The following TAF4B variants were observed in gnomAD, a reference collection of about 807,000 sequenced individuals.
TAF4B encodes the protein TATA-box binding protein associated factor 4b, also known as transcription initiation factor TFIID subunit 4B.
A neutral mutation model predicts 86.4 loss-of-function variants in TAF4B; 38 were observed. That is an observed-to-expected ratio of 0.44 (90% CI 0.34 to 0.58). TAF4B has a LOEUF of 0.58. Among genes scored for constraint, TAF4B ranks in the 20% least tolerant of loss-of-function variants. The probability of loss-of-function intolerance (pLI) is 0.02; values close to 1 mark genes in which losing one functional copy is unlikely to be tolerated. For missense variants in TAF4B, 988 were observed against 1,027.6 expected, an observed-to-expected ratio of 0.96 and a Z score of 0.53; for synonymous variants, 388 against 391.2, an observed-to-expected ratio of 0.99 and a Z score of 0.10.
intron 13 of TAF4B, among the ~76,000 whole-genome samples, chr18:26,353,026 C>T (rs1292246907): frequency 1.3e-5 from 2 of 152,134 alleles, no homozygotes; most frequent in South Asian, 4.1e-4. Context: ...TTCTACACAG[C>T]CTCTTCCAGA....
intron 1 of TAF4B, among the ~76,000 whole-genome samples, chr18:26,237,909 C>T (rs899431860): frequency 6.6e-6 from 1 of 152,056 alleles, no homozygotes; most frequent in Non-Finnish European, 1.5e-5. Flanking sequence ...CCTGTTGATG[C>T]CTGAGCGTTT....
At chr18:26,314,645 C>G (rs953562565) in intron 9 of TAF4B, among the ~76,000 whole-genome samples, 2 of 152,136 alleles carry the variant, frequency 1.3e-5, no homozygotes, top group African/African-American at 4.8e-5. Flanking sequence ...TTTAGAATGG[C>G]TAGTCTAGTA....
chr18:26,285,414 C>T (rs1469831721), intron 6 of TAF4B, among the ~76,000 whole-genome samples: 1 of 151,680 alleles, frequency 6.6e-6, no homozygotes, highest in Non-Finnish European at 1.5e-5. Flanking sequence ...TCTCAAACTC[C>T]TGGCCTCAAG....
intron 11 of TAF4B, 62 bp downstream of exon 11, chr18:26,321,262 G>A: frequency 6.4e-7 from 1 of 1,565,974 alleles, no homozygotes; most frequent in Non-Finnish European, 8.7e-7. Context: ...TTTGGGCGTG[G>A]ATTGATATTC....
At chr18:26,273,899 G>T (rs1363696305) in intron 3 of TAF4B, among the ~76,000 whole-genome samples, 1 of 152,202 alleles carries the variant, frequency 6.6e-6, no homozygotes, top group Admixed American at 6.5e-5. Context: ...GCATTGTTCA[G>T]TTTTCTGTGT....
intron 2 of TAF4B, 31 bp from the exon 3 acceptor site, chr18:26,267,483 CTT>C: frequency 1.4e-6 from 2 of 1,431,038 alleles, no homozygotes; most frequent in Non-Finnish European, 2.0e-6. Context: ...ACGCTAATGA[CTT>C]TGTGTTATCT....
chr18:26,315,500 C>CT, intron 10 of TAF4B, 102 bp downstream of exon 10: 1 of 742,526 alleles, frequency 1.3e-6, no homozygotes, highest in South Asian at 3.6e-5. Context: ...AACTCTGAGG[C>CT]TTAAATAAGA....
At position 26,324,799 on chromosome 18, in the gene TAF4B, C is replaced by G. The variant is rs184943714; in HGVS notation, c.2134-2216C>G. Among the ~76,000 whole-genome samples, 261 of 152,268 alleles carry G rather than the reference C, an allele frequency of 1.7e-3. 1 individual carries two copies. The highest frequency in any genetic ancestry group is 5.8e-4 in the East Asian group (3 of 5,190). On this transcript the variant is annotated intron_variant, in intron 11 of 14. Coordinates refer to ENST00000269142, the MANE Select transcript of TAF4B (RefSeq NM_005640.3). Reference sequence around the variant, plus strand: ...ATAAAATAACAAAAGATTATCAGCCCTTTTAAGTCAAAATAATTATCATTT... The same window carrying G: ...ATAAAATAACAAAAGATTATCAGCCGTTTTAAGTCAAAATAATTATCATTT...
Position 26,226,489 on chromosome 18 carries a change from G to T in TAF4B, c.-445G>T, listed in dbSNP as rs1393491332. 1.3e-5 allele frequency: 2 copies of T among 153,442 alleles called. No individual in the cohort carries two copies. Among genetic ancestry groups the T allele is most frequent in the Admixed American group, 6.5e-5 (1 of 15,290 alleles). The allele number at this position is 153,442 out of a possible 1,614,324, so 9.5% of individuals were successfully genotyped here. On this transcript the variant is annotated 5_prime_UTR_variant, in exon 1 of 15. Transcript: ENST00000269142. ...TGGCGTGGCCGCGCGGCGGGGCCGT[G>T]CCAATCGCGCGTAGGGGGCTGTGGG...
intron 9 of TAF4B, chr18:26,304,906 T>G: frequency 1.0e-6 from 1 of 984,588 alleles, no homozygotes; most frequent in Non-Finnish European, 1.2e-6. Flanking sequence ...CTTATTACTT[T>G]CGCCCATTTA....
chr18:26,355,961 C>T (rs1258652935), intron 13 of TAF4B, among the ~76,000 whole-genome samples: 1 of 152,144 alleles, frequency 6.6e-6, no homozygotes, highest in Non-Finnish European at 1.5e-5. Context: ...GGATTTCTGT[C>T]CTATAATTTG....
At position 26,390,128 on chromosome 18, in the gene TAF4B, T is replaced by C. The variant is rs1978619119; in HGVS notation, c.*116T>C. 2.7e-6 allele frequency: 3 copies of C among 1,100,558 alleles called. No homozygotes were observed. Among genetic ancestry groups the C allele is most frequent in the Non-Finnish European group, 2.6e-6 (2 of 775,480 alleles). 68.2% of individuals were successfully genotyped at this position (1,100,558 alleles called of 1,614,324 possible). A position where few individuals can be genotyped will look rare whatever the true frequency, so the allele number is the denominator to read the frequency against. The stretch of plus-strand genomic sequence containing the variant: ...AAATAATCACCAACATGAAAGAGCA[T>C]TGTTTACAGTTAGAAACTTTATTAA... On this transcript the variant is annotated 3_prime_UTR_variant, in exon 15 of 15. Transcript: ENST00000269142.
At chr18:26,234,878 G>A (rs549492331) in intron 1 of TAF4B, among the ~76,000 whole-genome samples, 1 of 152,328 alleles carries the variant, frequency 6.6e-6, no homozygotes, top group South Asian at 2.1e-4. Flanking sequence ...GGCACGTAGT[G>A]TGCCATTTAC....
At chr18:26,376,135 G>A (rs1241697547) in intron 14 of TAF4B, among the ~76,000 whole-genome samples, 1 of 151,384 alleles carries the variant, frequency 6.6e-6, no homozygotes, top group African/African-American at 2.4e-5. Flanking sequence ...AAATTGGGAA[G>A]TGTGAGTCTA....
At chr18:26,311,570 G>A (rs769435681) in intron 9 of TAF4B, among the ~76,000 whole-genome samples, 6 of 152,068 alleles carry the variant, frequency 3.9e-5, no homozygotes, top group Non-Finnish European at 7.4e-5. Context: ...GCAGTGAGCC[G>A]AGACCTTGCC....
intron 9 of TAF4B, among the ~76,000 whole-genome samples, chr18:26,299,121 A>G (rs1407356586): frequency 2.0e-5 from 3 of 151,602 alleles, no homozygotes; most frequent in Non-Finnish European, 4.4e-5. Flanking sequence ...TCGGCCTCCC[A>G]AAGTGCTGGG....
At chr18:26,266,445 T>G (rs1193856123) in intron 2 of TAF4B, among the ~76,000 whole-genome samples, 1 of 152,178 alleles carries the variant, frequency 6.6e-6, no homozygotes, top group Non-Finnish European at 1.5e-5. Flanking sequence ...TTACAGAAAT[T>G]ATCTTTAAGA....
At chr18:26,238,799 C>T (rs1568095485) in intron 1 of TAF4B, among the ~76,000 whole-genome samples, 1 of 152,040 alleles carries the variant, frequency 6.6e-6, no homozygotes, top group East Asian at 1.9e-4. Context: ...TCCAAGTGTT[C>T]TCATTGTTCA....
intron 6 of TAF4B, among the ~76,000 whole-genome samples, chr18:26,285,222 G>GTTTTTGTTTTTGTTTTTGTTTTT: frequency 0.024 from 1,104 of 45,770 alleles, 153 homozygotes; most frequent in Non-Finnish European, 0.038. Context: ...TTTTTTTTTT[G>GTTTTTGTTTTTGTTTTTGTTTTT]TTTTTTTTTT....
Sources: allele counts gnomAD v4.1 joint callset (sites outside exome capture counted in the v4.1 genomes callset), GRCh38; gene constraint gnomAD v4.1.1; transcripts MANE v1.5; gene names NCBI Gene and HGNC (gene_info 2026-07-23, HGNC 2026-07-21).